RASSF6: variants seen among roughly 807,000 people sequenced by gnomAD.
RASSF6 encodes Ras association domain family member 6, also known as ras association domain-containing protein 6.
RASSF6 carries 52 observed loss-of-function variants against 44.0 expected under a neutral mutation model. That is an observed-to-expected ratio of 1.18 (90% CI 0.95 to 1.49). The LOEUF is 1.49. Among genes scored for constraint, RASSF6 ranks in the 40% most tolerant of loss-of-function variants. The pLI is 0.00. For synonymous variants in RASSF6, 162 were observed against 124.6 expected, an observed-to-expected ratio of 1.30 and a Z score of -2.00; for missense variants, 464 against 393.3, an observed-to-expected ratio of 1.18 and a Z score of -1.52.
At chr4:73,577,143 T>G (rs1478179310) in intron 8 of RASSF6, among the ~76,000 whole-genome samples, 1 of 152,214 alleles carries the variant, frequency 6.6e-6, no homozygotes, top group Non-Finnish European at 1.5e-5. Context: ...CATGTAATTA[T>G]TTTCAATTCT....
intron 2 of RASSF6, among the ~76,000 whole-genome samples, chr4:73,609,908 T>C (rs1252548180): frequency 1.3e-5 from 2 of 152,158 alleles, no homozygotes; most frequent in Admixed American, 1.3e-4. Flanking sequence ...GGTGAGAATT[T>C]GTTCTCAGTA....
At chr4:73,588,474 G>A (rs1724275176) in intron 4 of RASSF6, among the ~76,000 whole-genome samples, 1 of 151,932 alleles carries the variant, frequency 6.6e-6, no homozygotes, top group African/African-American at 2.4e-5. Context: ...AGAAAATTAT[G>A]ATTTCATAAA....
chr4:73,594,185 A>G (rs1247643), intron 3 of RASSF6, among the ~76,000 whole-genome samples: 150,682 of 152,354 alleles, frequency 0.99, 74,532 homozygotes, highest in Middle Eastern at 1. Flanking sequence ...AATTTAACAT[A>G]AATTTTGTGG....
intron 4 of RASSF6, among the ~76,000 whole-genome samples, chr4:73,592,587 G>T (rs980257171): frequency 6.6e-6 from 1 of 152,138 alleles, no homozygotes; most frequent in East Asian, 1.9e-4. Flanking sequence ...GCCCAACCTG[G>T]ATATCCAAGG....
chr4:73,597,277 G>A (rs773126724), intron 3 of RASSF6, among the ~76,000 whole-genome samples: 46 of 151,708 alleles, frequency 3.0e-4, no homozygotes, highest in Admixed American at 1.4e-3. Context: ...AATTTACAAG[G>A]GAAAAAACCA....
At position 73,619,792 on chromosome 4, in the gene RASSF6, T is replaced by G. The variant is rs186309448; in HGVS notation, c.-35+496A>C. On this transcript the variant is annotated intron_variant, in intron 1 of 10. Coordinates refer to ENST00000307439, the MANE Select transcript of RASSF6 (RefSeq NM_177532.5). ...GTGAGCGCTTATATTGAAAATTCAT[T>G]TTTTTTTTGGTGGGGGGCATGCTTT... Among the ~76,000 whole-genome samples the G allele has an allele frequency of 5.2e-3, 787 of 151,266 alleles. 10 individuals are homozygous for G. Among genetic ancestry groups the G allele is most frequent in the African/African-American group, 0.018 (750 of 41,336 alleles).
In RASSF6 at chr4:73,575,577, C is replaced by G. The variant is rs888792195; in HGVS notation, c.*658G>C. 2.6e-5 allele frequency: 4 copies of G among 152,056 alleles called. No individual in the cohort carries two copies. The highest frequency in any genetic ancestry group is 9.7e-5 in the African/African-American group (4 of 41,384). 9.4% of individuals were successfully genotyped at this position (152,056 alleles called of 1,614,324 possible). A position where few individuals can be genotyped will look rare whatever the true frequency, so the allele number is the denominator to read the frequency against. On this transcript the variant is annotated 3_prime_UTR_variant, in exon 11 of 11. Coordinates refer to ENST00000307439, the MANE Select transcript of RASSF6 (RefSeq NM_177532.5). ...AAAAGAGCTTAAGAAAAGCTTTGAA[C>G]TGATGAAAGGTCTTTCATCAGCAGA...
chr4:73,620,260 A>C, intron 1 of RASSF6, 28 bp downstream of exon 1: 1 of 1,371,760 alleles, frequency 7.3e-7, no homozygotes, highest in Non-Finnish European at 9.4e-7. Flanking sequence ...TGGATTAGAA[A>C]GTTTTTTTCC....
At chr4:73,615,469 C>T (rs1270092142) in intron 1 of RASSF6, among the ~76,000 whole-genome samples, 1 of 152,120 alleles carries the variant, frequency 6.6e-6, no homozygotes, top group Non-Finnish European at 1.5e-5. Flanking sequence ...AATTACAGTT[C>T]TAGAAGCCTG....
intron 6 of RASSF6, among the ~76,000 whole-genome samples, chr4:73,583,706 C>A (rs1348468927): frequency 6.6e-6 from 1 of 152,058 alleles, no homozygotes; most frequent in Admixed American, 6.6e-5. Context: ...TATCTATAGT[C>A]CCAGCTTGAG....
intron 2 of RASSF6, among the ~76,000 whole-genome samples, chr4:73,601,721 G>A (rs183064548): frequency 1.1e-4 from 17 of 152,330 alleles, no homozygotes; most frequent in Admixed American, 1.1e-3. Context: ...AACTTTTGAA[G>A]ATGATTAGTT....
chr4:73,590,706 T>C (rs1724479870), intron 4 of RASSF6, among the ~76,000 whole-genome samples: 2 of 152,342 alleles, frequency 1.3e-5, no homozygotes, highest in Non-Finnish European at 2.9e-5. Flanking sequence ...GGCTAATTAA[T>C]GACAACCAAA....
At chr4:73,616,084 T>G in intron 1 of RASSF6, 1 of 699,798 alleles carries the variant, frequency 1.4e-6, no homozygotes, top group Non-Finnish European at 2.5e-6. Flanking sequence ...GTTCCTTCTC[T>G]GCACCTGCTA....
intron 4 of RASSF6, among the ~76,000 whole-genome samples, chr4:73,590,494 A>C (rs1214844178): frequency 6.6e-6 from 1 of 152,232 alleles, no homozygotes; most frequent in Non-Finnish European, 1.5e-5. Context: ...TCTTTTCACA[A>C]TTAAAGGCTG....
intron 4 of RASSF6, among the ~76,000 whole-genome samples, chr4:73,591,980 A>G (rs1724595794): frequency 6.6e-6 from 1 of 152,018 alleles, no homozygotes; most frequent in Non-Finnish European, 1.5e-5. Flanking sequence ...AGTGATATAG[A>G]AAAGTTTTCA....
rs202115092 is a variant in RASSF6, at chr4:73,585,186, G to A, written c.561C>T (p.Asn187=). The change falls in exon 6 of 11, where the codon AAC becomes AAT. Residue 187 remains asparagine, a synonymous_variant. Coordinates refer to ENST00000307439, the MANE Select transcript of RASSF6 (RefSeq NM_177532.5). ...NRASINGHFY[N]HETSIFIPAF... is the part of the protein sequence containing the mutation. The stretch of plus-strand genomic sequence containing the variant: ...GGAATTGTAACTCACTTACTTCATG[G>A]TTATAGAAGTGTCCATTAATAGAGG... The A allele has an allele frequency of 5.4e-5, 87 of 1,596,914 alleles. No homozygotes were observed. The highest frequency in any genetic ancestry group is 6.5e-5 in the Non-Finnish European group (76 of 1,171,894).
rs559824024 is a variant in RASSF6, at chr4:73,587,562, C to T, written c.382+278G>A. Among the ~76,000 whole-genome samples, 210 of 151,922 alleles carry T rather than the reference C, an allele frequency of 1.4e-3. 1 individual carries two copies. The highest frequency in any genetic ancestry group is 2.0e-3 in the Non-Finnish European group (136 of 67,938). On this transcript the variant is annotated intron_variant, in intron 5 of 10. Coordinates refer to ENST00000307439, the MANE Select transcript of RASSF6 (RefSeq NM_177532.5). ...TTTATGAATACAAACTTTATTAAAACTATTAGCTCTCCCTATTCTAATAAA... is the reference window on the plus strand; with the variant it reads ...TTTATGAATACAAACTTTATTAAAATTATTAGCTCTCCCTATTCTAATAAA...
At chr4:73,586,576 C>T (rs1281052191) in intron 5 of RASSF6, among the ~76,000 whole-genome samples, 2 of 151,766 alleles carry the variant, frequency 1.3e-5, no homozygotes, top group African/African-American at 2.4e-5. Context: ...AAGAATAAGA[C>T]CATGTGGTGG....
At chr4:73,578,987 C>T (rs1723430811) in intron 8 of RASSF6, among the ~76,000 whole-genome samples, 1 of 152,110 alleles carries the variant, frequency 6.6e-6, no homozygotes, top group Admixed American at 6.6e-5. Context: ...TTGTATTTAT[C>T]ACTCCATACC....
Sources: gnomAD v4.1 joint callset for allele counts (sites outside exome capture counted in the v4.1 genomes callset) on GRCh38, gnomAD v4.1.1 for gene constraint, MANE v1.5 for transcripts, NCBI Gene and HGNC (gene_info 2026-07-23, HGNC 2026-07-21) for gene names.